IQGAP2: variants seen among roughly 807,000 people sequenced by gnomAD.
IQGAP2 encodes ras GTPase-activating-like protein IQGAP2.
In IQGAP2, 173 loss-of-function variants were observed where a neutral mutation model predicts 201.3. The ratio of observed to expected loss-of-function variants is 0.86; its 90% CI spans 0.76 to 0.98. The LOEUF is 0.98. Among genes scored for constraint, IQGAP2 ranks in the 50% least tolerant of loss-of-function variants. The pLI, the probability that IQGAP2 is intolerant of heterozygous loss-of-function variation, is 0.00. For synonymous variants in IQGAP2, 675 were observed against 673.9 expected, an observed-to-expected ratio of 1.00 and a Z score of -0.03; for missense variants, 1,687 against 1,864.8, an observed-to-expected ratio of 0.90 and a Z score of 1.76.
rs543808342 is a variant in IQGAP2, at chr5:76,436,370, T to C, written c.47-25200T>C. On this transcript the variant is annotated intron_variant, in intron 1 of 35. Coordinates refer to ENST00000274364, the MANE Select transcript of IQGAP2 (RefSeq NM_006633.5). ...CTTGTGGGTTTGTCATATATGACTT[T>C]TATTATTTTGAGATATATCCCTTCT... 2.0e-4 allele frequency among the ~76,000 whole-genome samples: 30 copies of C among 150,584 alleles called. 1 individual carries two copies. In the South Asian group the frequency reaches 5.9e-3, roughly 29 times the overall value.
intron 2 of IQGAP2, among the ~76,000 whole-genome samples, chr5:76,496,737 C>CTTTCTTTCTTTCT (rs1756952128): frequency 2.4e-5 from 1 of 42,358 alleles, no homozygotes; most frequent in African/African-American, 1.3e-4. Context: ...TTCTTTCTTT[C>CTTTCTTTCTTTCT]TTTCTTTCTT....
At chr5:76,437,351 C>G (rs374445713) in intron 1 of IQGAP2, among the ~76,000 whole-genome samples, 2 of 152,150 alleles carry the variant, frequency 1.3e-5, no homozygotes, top group African/African-American at 2.4e-5. Context: ...CCATGCCCAG[C>G]CTATCTTTTT....
chr5:76,487,426 G>C (rs190238278), intron 2 of IQGAP2, among the ~76,000 whole-genome samples: 11 of 152,146 alleles, frequency 7.2e-5, no homozygotes, highest in African/African-American at 2.7e-4. Context: ...TGAATGGGGG[G>C]ATGTGGATGC....
At chr5:76,458,520 C>A (rs962774227) in intron 1 of IQGAP2, among the ~76,000 whole-genome samples, 7 of 152,128 alleles carry the variant, frequency 4.6e-5, no homozygotes, top group Non-Finnish European at 1.0e-4. Flanking sequence ...CCTAGACTTA[C>A]AATTTGACAG....
intron 1 of IQGAP2, among the ~76,000 whole-genome samples, chr5:76,455,479 A>C (rs1324982834): frequency 1.3e-5 from 2 of 150,836 alleles, no homozygotes; most frequent in Admixed American, 1.3e-4. Flanking sequence ...AAAAAAAGAG[A>C]ACAAACAAAA....
chr5:76,590,368 C>T (rs1158000143), intron 7 of IQGAP2, 40 bp from the exon 8 acceptor site: 2 of 1,506,874 alleles, frequency 1.3e-6, no homozygotes, highest in Non-Finnish European at 1.8e-6. Flanking sequence ...TTGTCTTTTG[C>T]TGATAAAAAC....
intron 2 of IQGAP2, among the ~76,000 whole-genome samples, chr5:76,517,214 T>C (rs1197679184): frequency 6.6e-6 from 1 of 152,106 alleles, no homozygotes; most frequent in African/African-American, 2.4e-5. Context: ...TAGTTCAAAA[T>C]ATTTTTTTAC....
intron 2 of IQGAP2, among the ~76,000 whole-genome samples, chr5:76,508,213 A>T (rs529731832): frequency 7.3e-5 from 11 of 150,486 alleles, no homozygotes; most frequent in Non-Finnish European, 1.6e-4. Flanking sequence ...ACATGACTAT[A>T]ATCCCAGCTA....
At chr5:76,414,120 A>G (rs1751287960) in intron 1 of IQGAP2, among the ~76,000 whole-genome samples, 1 of 152,208 alleles carries the variant, frequency 6.6e-6, no homozygotes, top group Non-Finnish European at 1.5e-5. Context: ...AAATTCTAGT[A>G]CTTTTCATAG....
chr5:76,657,011 G>A (rs74974474), intron 20 of IQGAP2, among the ~76,000 whole-genome samples: 159 of 152,266 alleles, frequency 1.0e-3, no homozygotes, highest in African/African-American at 3.7e-3. Flanking sequence ...GTGGTCAGTT[G>A]TAGGAGCAGA....
intron 3 of IQGAP2, among the ~76,000 whole-genome samples, chr5:76,566,115 G>A (rs1236431884): frequency 6.6e-6 from 1 of 152,126 alleles, no homozygotes; most frequent in Non-Finnish European, 1.5e-5. Context: ...CAACACTTAT[G>A]AAGACCCATT....
chr5:76,686,591 G>C (rs1745779366), intron 30 of IQGAP2, among the ~76,000 whole-genome samples: 1 of 151,994 alleles, frequency 6.6e-6, no homozygotes, highest in African/African-American at 2.4e-5. Flanking sequence ...GTCACTGCAA[G>C]CTCTGCCTCC....
intron 2 of IQGAP2, among the ~76,000 whole-genome samples, chr5:76,466,183 A>T (rs188673066): frequency 0.01 from 1,586 of 151,972 alleles, 15 homozygotes; most frequent in Non-Finnish European, 0.015. Flanking sequence ...AAAAAAAAAA[A>T]ATTTTGAATT....
intron 2 of IQGAP2, among the ~76,000 whole-genome samples, chr5:76,531,342 C>G (rs1269851248): frequency 2.0e-5 from 3 of 152,184 alleles, no homozygotes; most frequent in African/African-American, 7.2e-5. Context: ...TCATAGCTCA[C>G]TGTAACTTCA....
chr5:76,528,524 A>G (rs6894008), intron 2 of IQGAP2, among the ~76,000 whole-genome samples: 336 of 152,268 alleles, frequency 2.2e-3, no homozygotes, highest in African/African-American at 7.8e-3. Context: ...TTACAAAACC[A>G]GGAACCCAAT....
intron 30 of IQGAP2, among the ~76,000 whole-genome samples, chr5:76,686,799 A>G (rs565868085): frequency 6.6e-6 from 1 of 151,698 alleles, no homozygotes; most frequent in Admixed American, 6.6e-5. Flanking sequence ...GTGAGCCACC[A>G]CTCCTGGCCC....
chr5:76,618,667 A>T (rs774327802), intron 13 of IQGAP2: 10 of 1,537,044 alleles, frequency 6.5e-6, no homozygotes, highest in Non-Finnish European at 8.0e-6. Flanking sequence ...AAGTATTAAC[A>T]TAAATGTATA....
intron 14 of IQGAP2, chr5:76,628,825 G>A: frequency 1.2e-5 from 5 of 406,894 alleles, no homozygotes; most frequent in Admixed American, 3.1e-5. Flanking sequence ...CACGCCTTAA[G>A]AAAAAAATAA....
chr5:76,477,045 C>T (rs188383716), intron 2 of IQGAP2, among the ~76,000 whole-genome samples: 12 of 152,002 alleles, frequency 7.9e-5, no homozygotes, highest in South Asian at 4.2e-4. Context: ...TTTTATGATC[C>T]GTTAAAACAT....
Sources: allele counts gnomAD v4.1 joint callset (sites outside exome capture counted in the v4.1 genomes callset), GRCh38; gene constraint gnomAD v4.1.1; transcripts MANE v1.5; gene names NCBI Gene and HGNC (gene_info 2026-07-23, HGNC 2026-07-21).